The following ITPR2 variants were observed in gnomAD, a reference collection of about 807,000 sequenced individuals.
The protein encoded by ITPR2 is inositol 1,4,5-trisphosphate-gated calcium channel ITPR2.
In ITPR2, 207 loss-of-function variants were observed where a neutral mutation model predicts 317.1. The ratio of observed to expected loss-of-function variants is 0.65; its 90% CI spans 0.58 to 0.73. The LOEUF (loss-of-function observed/expected upper bound fraction) is 0.73. ITPR2 is among the 30% of genes least tolerant of loss of function. ITPR2 has a pLI of 0.00. For missense variants in ITPR2, 2,613 were observed against 3,284.0 expected (o/e 0.80, Z 4.99); for synonymous variants, 1,156 against 1,149.1 (o/e 1.01, Z -0.12).
intron 37 of ITPR2, among the ~76,000 whole-genome samples, chr12:26,503,267 A>G (rs921533777): frequency 1.3e-5 from 2 of 151,688 alleles, no homozygotes; most frequent in Non-Finnish European, 2.9e-5. Flanking sequence ...CCAAAATACT[A>G]GAAATAGATT....
intron 55 of ITPR2, among the ~76,000 whole-genome samples, chr12:26,373,159 G>A (rs542721289): frequency 6.6e-6 from 1 of 152,296 alleles, no homozygotes; most frequent in East Asian, 1.9e-4. Context: ...TGTCCCAGTT[G>A]CTTCTGGTTT....
rs1319711945 is a variant in ITPR2 at position 26,439,396 on chromosome 12, T to C, written c.6451-77A>G. On this transcript the variant is annotated intron_variant, in intron 46 of 56. Coordinates refer to ENST00000381340, the MANE Select transcript of ITPR2 (RefSeq NM_002223.4). ...GACTTGCTTTTGTTTTTAACATGAGTTTACTGAGAATGTTTTATGAATTCA... is the reference window on the plus strand; with the variant it reads ...GACTTGCTTTTGTTTTTAACATGAGCTTACTGAGAATGTTTTATGAATTCA... 2.9e-6 allele frequency: 3 copies of C among 1,040,824 alleles called. No individual in the cohort carries two copies. The Admixed American group carries it at 8.1e-5, about 28-fold the overall frequency. 64.5% of individuals were successfully genotyped at this position (1,040,824 alleles called of 1,614,324 possible). A position where few individuals can be genotyped will look rare whatever the true frequency, so the allele number is the denominator to read the frequency against.
intron 49 of ITPR2, chr12:26,419,883 A>G (rs535462432): frequency 6.6e-6 from 1 of 152,218 alleles, no homozygotes; most frequent in African/African-American, 2.4e-5. Flanking sequence ...CATTTAATTT[A>G]TTTTATATAC....
chr12:26,547,704 A>G (rs1944423617), intron 37 of ITPR2, among the ~76,000 whole-genome samples: 1 of 152,238 alleles, frequency 6.6e-6, no homozygotes, highest in South Asian at 2.1e-4. Context: ...TATATGTGCA[A>G]TGGAATTTTA....
At chr12:26,458,264 G>T (rs562218640) in intron 45 of ITPR2, among the ~76,000 whole-genome samples, 10 of 152,290 alleles carry the variant, frequency 6.6e-5, no homozygotes, top group African/African-American at 2.4e-4. Context: ...TCCAGGTGAG[G>T]GCGGTACGGG....
chr12:26,578,178 C>A (rs1231362490), intron 34 of ITPR2, among the ~76,000 whole-genome samples: 1 of 145,794 alleles, frequency 6.9e-6, no homozygotes, highest in Non-Finnish European at 1.5e-5. Flanking sequence ...TTAACTTTCT[C>A]TCTCTCTCTC....
intron 32 of ITPR2, among the ~76,000 whole-genome samples, chr12:26,587,284 T>C (rs754935384): frequency 3.0e-5 from 2 of 66,898 alleles, no homozygotes; most frequent in African/African-American, 4.4e-5. Context: ...CAAATAAATA[T>C]ATATATATAT....
At chr12:26,721,252 C>T in intron 5 of ITPR2, 1 of 510,160 alleles carries the variant, frequency 2.0e-6, no homozygotes, top group Non-Finnish European at 3.6e-6. Context: ...AAGTGCATCA[C>T]ATTCCTGCAT....
chr12:26,775,104 G>A (rs751719110), intron 2 of ITPR2, among the ~76,000 whole-genome samples: 1 of 152,050 alleles, frequency 6.6e-6, no homozygotes, highest in Non-Finnish European at 1.5e-5. Flanking sequence ...CTCCCAAATA[G>A]ATTACCTCTA....
intron 2 of ITPR2, among the ~76,000 whole-genome samples, chr12:26,747,762 A>G (rs1234969719): frequency 6.6e-6 from 1 of 152,192 alleles, no homozygotes; most frequent in East Asian, 1.9e-4. Context: ...TTCCCTGTTC[A>G]AGAATTCTTC....
intron 2 of ITPR2, among the ~76,000 whole-genome samples, chr12:26,738,956 C>T (rs1245659058): frequency 6.6e-6 from 1 of 152,148 alleles, no homozygotes; most frequent in Non-Finnish European, 1.5e-5. Context: ...ATCCAGAATA[C>T]AGAAAGTGCT....
rs200878390 is a variant in ITPR2, at chr12:26,655,704, G to C, written c.2589+4C>G. 68 of 1,607,694 alleles carry C rather than the reference G, an allele frequency of 4.2e-5. No homozygotes were observed. Among genetic ancestry groups the C allele is most frequent in the Non-Finnish European group, 4.8e-5 (57 of 1,176,546 alleles). ...ACATCCTAAATATTAGAGGGACAAA[G>C]TACCTCAAATGTCAGTTTATTTTTT... On this transcript the variant is annotated splice_donor_region_variant and intron_variant, in intron 20 of 56. Coordinates refer to ENST00000381340, the MANE Select transcript of ITPR2 (RefSeq NM_002223.4).
intron 45 of ITPR2, among the ~76,000 whole-genome samples, chr12:26,464,230 C>A (rs1942112797): frequency 6.6e-6 from 1 of 152,116 alleles, no homozygotes. Context: ...CACATTATTT[C>A]TACTATTATT....
At chr12:26,666,158 A>ATAGATAGATAGATAGATAGG (rs1214116125) in intron 13 of ITPR2, 107 bp from the exon 14 acceptor site, 1 of 437,680 alleles carries the variant, frequency 2.3e-6, no homozygotes, top group Non-Finnish European at 3.5e-6. Context: ...AGATAGATAG[A>ATAGATAGATAGATAGATAGG]TAGATTTTTT....
chr12:26,772,402 T>C (rs1406469302), intron 2 of ITPR2, among the ~76,000 whole-genome samples: 2 of 122,004 alleles, frequency 1.6e-5, no homozygotes, highest in African/African-American at 5.5e-5. Context: ...TATATATATA[T>C]AATATACACA....
In ITPR2 at chr12:26,426,606, T is replaced by C. The variant is rs563463630; in HGVS notation, c.6945+1307A>G. ...CTGATAGACTTCTTTGTAGGTATAG[T>C]ACACTTCCCTTTATTGACAATGATT... On this transcript the variant is annotated intron_variant, in intron 49 of 56. Coordinates refer to ENST00000381340, the MANE Select transcript of ITPR2 (RefSeq NM_002223.4). 1.4e-4 allele frequency among the ~76,000 whole-genome samples: 22 copies of C among 152,282 alleles called. 1 individual carries two copies. In the South Asian group the frequency reaches 2.5e-3, roughly 17 times the overall value.
At chr12:26,706,044 G>A (rs1948544066) in intron 9 of ITPR2, among the ~76,000 whole-genome samples, 1 of 152,126 alleles carries the variant, frequency 6.6e-6, no homozygotes, top group South Asian at 2.1e-4. Context: ...ACTCTTATCT[G>A]GCCTCACTGC....
At chr12:26,735,281 C>T (rs12821157) in intron 2 of ITPR2, among the ~76,000 whole-genome samples, 25,705 of 152,130 alleles carry the variant, frequency 0.17, 2,675 homozygotes, top group Non-Finnish European at 0.24. Context: ...GGATTACAGA[C>T]GTGAGGTACT....
chr12:26,770,979 A>C (rs957412429), intron 2 of ITPR2, among the ~76,000 whole-genome samples: 1 of 152,096 alleles, frequency 6.6e-6, no homozygotes, highest in African/African-American at 2.4e-5. Context: ...ATGGCAGCAA[A>C]AGTCCATTTT....
Sources: gnomAD v4.1 joint callset for allele counts (sites outside exome capture counted in the v4.1 genomes callset) on GRCh38, gnomAD v4.1.1 for gene constraint, MANE v1.5 for transcripts, NCBI Gene and HGNC (gene_info 2026-07-23, HGNC 2026-07-21) for gene names.